The following NBEA variants were observed in gnomAD, a reference collection of about 807,000 sequenced individuals.
NBEA encodes lysosomal-trafficking regulator 2.
In NBEA, 44 loss-of-function variants were observed where a neutral mutation model predicts 343.4. The ratio of observed to expected loss-of-function variants is 0.13; its 90% CI spans 0.10 to 0.16. NBEA has a LOEUF of 0.16. NBEA is among the 10% of genes least tolerant of loss of function. NBEA has a pLI of 1.00. For synonymous variants in NBEA, 1,175 were observed against 1,238.7 expected (o/e 0.95, Z 1.08); for missense variants, 2,555 against 3,631.3 (o/e 0.70, Z 7.62).
chr13:35,039,280 T>G (rs549237561), intron 1 of NBEA, among the ~76,000 whole-genome samples: 148 of 152,184 alleles, frequency 9.7e-4, no homozygotes, highest in Admixed American at 1.6e-3. Flanking sequence ...TTCTATCTTT[T>G]CAGTGTCTCT....
At chr13:35,121,653 AGTTTATTCTT>A (rs1398803586) in intron 16 of NBEA, among the ~76,000 whole-genome samples, 2 of 152,060 alleles carry the variant, frequency 1.3e-5, no homozygotes, top group African/African-American at 4.8e-5. Flanking sequence ...CTTTTCTCAT[AGTTTATTCTT>A]TAATAGATGA....
chr13:34,960,908 A>G lies in NBEA; in HGVS notation c.294+17794A>G, dbSNP rs536238368. Among the ~76,000 whole-genome samples the G allele has an allele frequency of 6.2e-4, 95 of 152,266 alleles. 1 individual carries two copies. The highest frequency in any genetic ancestry group is 1.1e-3 in the Non-Finnish European group (76 of 68,008). On this transcript the variant is annotated intron_variant, in intron 1 of 58. Coordinates refer to ENST00000379939, the MANE Select transcript of NBEA (RefSeq NM_001385012.1). Reference sequence around the variant, plus strand: ...AACCTTATTAGTGATGTGCACTCTGAAAGATAAACTAATATATTTTAGTTA... The same window carrying G: ...AACCTTATTAGTGATGTGCACTCTGGAAGATAAACTAATATATTTTAGTTA...
At chr13:35,482,843 C>A (rs1372143081) in intron 41 of NBEA, among the ~76,000 whole-genome samples, 1 of 151,782 alleles carries the variant, frequency 6.6e-6, no homozygotes, top group South Asian at 2.1e-4. Flanking sequence ...CTCTACCACA[C>A]ATGTAGATAG....
At chr13:35,615,626 T>C (rs1446697775) in intron 48 of NBEA, among the ~76,000 whole-genome samples, 1 of 152,184 alleles carries the variant, frequency 6.6e-6, no homozygotes, top group Non-Finnish European at 1.5e-5. Context: ...ATTACAGGCC[T>C]GAGCCACCAT....
At chr13:35,108,540 T>A (rs901000620) in intron 11 of NBEA, among the ~76,000 whole-genome samples, 1 of 152,046 alleles carries the variant, frequency 6.6e-6, no homozygotes, top group African/African-American at 2.4e-5. Flanking sequence ...TCAACATCTA[T>A]TCAATAAGAA....
chr13:35,270,449 G>A (rs1490457464), intron 34 of NBEA, among the ~76,000 whole-genome samples: 2 of 152,284 alleles, frequency 1.3e-5, no homozygotes, highest in Admixed American at 6.5e-5. Flanking sequence ...TCTAAGTGAG[G>A]TACCTCGTTC....
At chr13:35,012,014 C>T (rs1334912210) in intron 1 of NBEA, among the ~76,000 whole-genome samples, 1 of 152,120 alleles carries the variant, frequency 6.6e-6, no homozygotes, top group Non-Finnish European at 1.5e-5. Context: ...ATACTATTCC[C>T]AGTAAGTTTT....
chr13:35,017,893 T>C (rs138776298), intron 1 of NBEA, among the ~76,000 whole-genome samples: 20 of 152,264 alleles, frequency 1.3e-4, no homozygotes, highest in African/African-American at 4.8e-4. Context: ...GTTTTGCAGA[T>C]TTAACCCTTA....
At chr13:35,093,391 C>A (rs1335798322) in intron 10 of NBEA, among the ~76,000 whole-genome samples, 1 of 150,780 alleles carries the variant, frequency 6.6e-6, no homozygotes, top group African/African-American at 2.4e-5. Context: ...ATAGAAAATT[C>A]CTGACCTGTG....
chr13:35,484,691 C>G lies in NBEA; in HGVS notation c.6585+12155C>G, dbSNP rs1432262816. Among the ~76,000 whole-genome samples the G allele has an allele frequency of 3.9e-5, 6 of 152,118 alleles. No homozygotes were observed. In the East Asian group the frequency reaches 1.2e-3, roughly 29 times the overall value. The stretch of plus-strand genomic sequence containing the variant: ...AAAATACAGAAATAATTAATTGCCT[C>G]TATTCTTGAGGCAGTTTCATTTCCC... On this transcript the variant is annotated intron_variant, in intron 41 of 58. Coordinates refer to ENST00000379939, the MANE Select transcript of NBEA (RefSeq NM_001385012.1).
intron 4 of NBEA, among the ~76,000 whole-genome samples, chr13:35,047,889 G>C (rs1330157801): frequency 2.0e-5 from 3 of 151,338 alleles, no homozygotes; most frequent in Admixed American, 6.6e-5. Context: ...TTGAAGTCAG[G>C]TGAAATAATC....
At chr13:35,074,728 G>T (rs1355217915) in intron 10 of NBEA, among the ~76,000 whole-genome samples, 1 of 152,130 alleles carries the variant, frequency 6.6e-6, no homozygotes, top group African/African-American at 2.4e-5. Flanking sequence ...ACAACATGAT[G>T]TTATGGGATA....
chr13:35,642,521 C>T (rs7992752), intron 49 of NBEA, among the ~76,000 whole-genome samples: 70,265 of 151,878 alleles, frequency 0.46, 16,677 homozygotes, highest in East Asian at 0.56. Context: ...CACAAAGCAA[C>T]TGATATCTTG....
At chr13:35,180,067 G>T (rs1290044020) in intron 28 of NBEA, among the ~76,000 whole-genome samples, 1 of 151,712 alleles carries the variant, frequency 6.6e-6, no homozygotes, top group African/African-American at 2.4e-5. Context: ...TAAATCATCA[G>T]TAAATATGTC....
chr13:35,121,271 AT>A (rs1047216944), intron 16 of NBEA, among the ~76,000 whole-genome samples: 2 of 151,518 alleles, frequency 1.3e-5, no homozygotes, highest in African/African-American at 4.8e-5. Flanking sequence ...CACCTGACTA[AT>A]TTTTTTTGTA....
At chr13:34,980,047 C>T (rs2060305208) in intron 1 of NBEA, among the ~76,000 whole-genome samples, 1 of 152,006 alleles carries the variant, frequency 6.6e-6, no homozygotes, top group African/African-American at 2.4e-5. Flanking sequence ...TCCATTGATC[C>T]ATTTGTTGGT....
chr13:34,975,662 A>G (rs2060146650), intron 1 of NBEA, among the ~76,000 whole-genome samples: 1 of 152,212 alleles, frequency 6.6e-6, no homozygotes, highest in Non-Finnish European at 1.5e-5. Context: ...GAGTGGGAGA[A>G]AATCTTCACA....
intron 38 of NBEA, among the ~76,000 whole-genome samples, chr13:35,356,236 A>G (rs2040483553): frequency 6.6e-6 from 1 of 152,258 alleles, no homozygotes; most frequent in Non-Finnish European, 1.5e-5. Context: ...CCTGCATGAA[A>G]CCAAAGTGTT....
Position 35,513,210 on chromosome 13 carries a change from C to T in NBEA, c.6586-37267C>T, listed in dbSNP as rs1218560113. On this transcript the variant is annotated intron_variant, in intron 41 of 58. Transcript: ENST00000379939. ...GGAATGCAGTGGCGCAACCTCGGCT[C>T]GCTGCAACCTCCACCTCCCAGGTTC... is the stretch of plus-strand genomic sequence containing the variant. 5.4e-5 allele frequency among the ~76,000 whole-genome samples: 8 copies of T among 149,360 alleles called. No individual in the cohort carries two copies. In the South Asian group the frequency reaches 8.5e-4, roughly 16 times the overall value.
Sources: allele counts gnomAD v4.1 joint callset (sites outside exome capture counted in the v4.1 genomes callset), GRCh38; gene constraint gnomAD v4.1.1; transcripts MANE v1.5; gene names NCBI Gene and HGNC (gene_info 2026-07-23, HGNC 2026-07-21).